Variants in ATP6V0D1 observed in about 807,000 individuals in gnomAD.
The protein encoded by ATP6V0D1 is ATPase H+ transporting V0 subunit d1, also known as V-type proton ATPase subunit d 1.
A neutral mutation model predicts 39.0 loss-of-function variants in ATP6V0D1; 13 were observed. The observed-to-expected ratio is 0.33, with a 90% CI of 0.22 to 0.53. The LOEUF is 0.53. ATP6V0D1 is among the 20% of genes least tolerant of loss of function. ATP6V0D1 has a pLI of 0.94. For missense variants in ATP6V0D1, 272 were observed against 470.9 expected, an observed-to-expected ratio of 0.58 and a Z score of 3.91; for synonymous variants, 191 against 191.2, an observed-to-expected ratio of 1.00 and a Z score of 0.01.
In ATP6V0D1 at chr16:67,439,543, C is replaced by G. The variant is rs961681141; in HGVS notation, c.562-192G>C. The G allele has an allele frequency of 2.3e-5, 14 of 612,646 alleles. No homozygotes were observed. The African/African-American group carries it at 2.4e-4, about 10-fold the overall frequency. The allele number at this position is 612,646 out of a possible 1,614,324, so 38.0% of individuals were successfully genotyped here. The stretch of plus-strand genomic sequence containing the variant: ...CTTCTGTGAATCAGCCAAGTGGCAG[C>G]TGCCCACAGCCTCCCACCCAGGAGT... On this transcript the variant is annotated intron_variant, in intron 4 of 7. Coordinates refer to ENST00000290949, the MANE Select transcript of ATP6V0D1 (RefSeq NM_004691.5).
chr16:67,443,055 A>C, intron 4 of ATP6V0D1, 44 bp downstream of exon 4: 1 of 1,600,880 alleles, frequency 6.2e-7, no homozygotes, highest in Non-Finnish European at 8.5e-7. Context: ...CCACAGCCCC[A>C]CCCACCGACA....
At chr16:67,452,840 C>T (rs896846399) in intron 2 of ATP6V0D1, among the ~76,000 whole-genome samples, 2 of 152,340 alleles carry the variant, frequency 1.3e-5, no homozygotes, top group Admixed American at 6.5e-5. Context: ...GTCCTTTCCT[C>T]CACTCAGCTT....
At chr16:67,476,184 T>C (rs1195891460) in intron 1 of ATP6V0D1, among the ~76,000 whole-genome samples, 5 of 150,186 alleles carry the variant, frequency 3.3e-5, no homozygotes, top group Non-Finnish European at 7.4e-5. Context: ...AACGTGCCAC[T>C]GCACTCCAGC....
At chr16:67,451,061 C>T (rs1249339106) in intron 2 of ATP6V0D1, among the ~76,000 whole-genome samples, 3 of 152,164 alleles carry the variant, frequency 2.0e-5, no homozygotes, top group Admixed American at 2.0e-4. Flanking sequence ...CTGCAGGGTG[C>T]TGAGTAGGTA....
intron 1 of ATP6V0D1, among the ~76,000 whole-genome samples, chr16:67,464,371 C>T (rs1412958554): frequency 1.3e-5 from 2 of 152,246 alleles, no homozygotes; most frequent in Non-Finnish European, 2.9e-5. Context: ...ACTGCCAAGA[C>T]AGGTGTCAGG....
chr16:67,439,340 C>T lies in ATP6V0D1; in HGVS notation c.573G>A (p.Glu191=). The T allele has an allele frequency of 6.2e-7, 1 of 1,614,088 alleles. No homozygotes were observed. The change falls in exon 5 of 8, where the codon GAG becomes GAA. Residue 191 remains glutamate (E), a synonymous_variant. Transcript: ENST00000290949. The part of the protein sequence containing the change: ...IRNTLYKAYL[E]SFYKFCTLLG... Reference sequence around the variant, plus strand: ...GTAGGGTGCAGAACTTGTAGAAGGACTCCAGGTAGGCCTGTAGAGAGTATG... The same window carrying T: ...GTAGGGTGCAGAACTTGTAGAAGGATTCCAGGTAGGCCTGTAGAGAGTATG...
chr16:67,439,651 G>T, intron 4 of ATP6V0D1: 1 of 444,194 alleles, frequency 2.3e-6, no homozygotes, highest in Non-Finnish European at 4.1e-6. Context: ...GGGCTCGCAG[G>T]GGTCCTCTGA....
chr16:67,452,428 T>C, intron 2 of ATP6V0D1: 22 of 1,532,608 alleles, frequency 1.4e-5, no homozygotes, highest in Non-Finnish European at 1.7e-5. Flanking sequence ...GGCTCCTAAC[T>C]GCAGGGGATA....
Position 67,438,143 on chromosome 16 carries a change from G to A in ATP6V0D1, c.*385C>T, listed in dbSNP as rs988964576. 2 of 255,192 alleles carry A rather than the reference G, an allele frequency of 7.8e-6. No individual in the cohort carries two copies. The highest frequency in any genetic ancestry group is 5.1e-5 in the Admixed American group (1 of 19,586). 15.8% of individuals were successfully genotyped at this position (255,192 alleles called of 1,614,324 possible). A position where few individuals can be genotyped will look rare whatever the true frequency, so the allele number is the denominator to read the frequency against. Reference sequence around the variant, plus strand: ...TGTCCTTCCCATGGGCCATGGCTCTGGGAGCGACCCACAGAAGGGAGAGGA... The same window carrying A: ...TGTCCTTCCCATGGGCCATGGCTCTAGGAGCGACCCACAGAAGGGAGAGGA... On this transcript the variant is annotated 3_prime_UTR_variant, in exon 8 of 8. Transcript: ENST00000290949.
chr16:67,477,129 C>T (rs2041421968), intron 1 of ATP6V0D1, among the ~76,000 whole-genome samples: 1 of 140,976 alleles, frequency 7.1e-6, no homozygotes, highest in Admixed American at 7.1e-5. Flanking sequence ...TCTAGATCTA[C>T]TACTAATTTA....
chr16:67,450,219 G>A (rs1567536105), intron 2 of ATP6V0D1, among the ~76,000 whole-genome samples: 1 of 152,172 alleles, frequency 6.6e-6, no homozygotes, highest in Non-Finnish European at 1.5e-5. Context: ...CATATCTGGA[G>A]GCTGTTGTGT....
In ATP6V0D1 at chr16:67,439,350, G is replaced by T. The variant is rs746767714; in HGVS notation, c.563C>A (p.Ala188Asp). 1.9e-5 allele frequency: 30 copies of T among 1,613,890 alleles called. No individual in the cohort carries two copies. The change falls in exon 5 of 8, where the codon GCC becomes GAC. Residue 188 changes from alanine (A) to aspartate (D), a missense_variant and splice_region_variant. Physicochemically the swap from Ala to Asp is moderately radical, Grantham distance 126. Transcript: ENST00000290949. ...IEIIRNTLYK[A>D]YLESFYKFCT... ...GAACTTGTAGAAGGACTCCAGGTAG[G>T]CCTGTAGAGAGTATGGAGCTTGCTC...
intron 1 of ATP6V0D1, among the ~76,000 whole-genome samples, chr16:67,478,885 G>C (rs941550239): frequency 6.6e-6 from 1 of 152,088 alleles, no homozygotes; most frequent in Non-Finnish European, 1.5e-5. Flanking sequence ...CAGGAGTGAG[G>C]AAAGTCAAGA....
intron 1 of ATP6V0D1, among the ~76,000 whole-genome samples, chr16:67,469,515 T>C (rs963371762): frequency 2.6e-5 from 4 of 152,100 alleles, no homozygotes; most frequent in African/African-American, 9.7e-5. Flanking sequence ...ATGAGAAGGG[T>C]CCAGCTCTGG....
In ATP6V0D1 at chr16:67,444,061, A is replaced by T. The variant is rs2041086419; in HGVS notation, c.481+467T>A. On this transcript the variant is annotated intron_variant, in intron 3 of 7. Transcript: ENST00000290949. This position sits in a 1 kb window ranked among gnomAD's most constrained non-coding sequence, Gnocchi z 4.8. ...TGATACGGACCTTGCATCCTGCTGG[A>T]TGCTGTCTGACCTGGCCCAGGGGAC... Among the ~76,000 whole-genome samples the T allele has an allele frequency of 6.6e-6, 1 of 152,190 alleles. No homozygotes were observed. The highest frequency in any genetic ancestry group is 6.5e-5 in the Admixed American group (1 of 15,282).
intron 1 of ATP6V0D1, among the ~76,000 whole-genome samples, chr16:67,472,047 G>A (rs2041377600): frequency 6.6e-6 from 1 of 152,122 alleles, no homozygotes; most frequent in South Asian, 2.1e-4. Context: ...ATGACAGCGA[G>A]ATGCCAAACC....
rs2041247581 is a variant in ATP6V0D1 at position 67,457,322 on chromosome 16, G to A, written c.131-3607C>T. 3 of 303,302 alleles carry A rather than the reference G, an allele frequency of 9.9e-6. No individual in the cohort carries two copies. The Admixed American group carries it at 1.2e-4, about 13-fold the overall frequency. 18.8% of individuals were successfully genotyped at this position (303,302 alleles called of 1,614,324 possible). A position where few individuals can be genotyped will look rare whatever the true frequency, so the allele number is the denominator to read the frequency against. ...TGGGGCATAGAGGGGCTGGGATGTGGAGCAGGCCTGGGGGATTCTATCTGT... is the reference window on the plus strand; with the variant it reads ...TGGGGCATAGAGGGGCTGGGATGTGAAGCAGGCCTGGGGGATTCTATCTGT... On this transcript the variant is annotated intron_variant, in intron 1 of 7. Coordinates refer to ENST00000290949, the MANE Select transcript of ATP6V0D1 (RefSeq NM_004691.5).
chr16:67,440,231 C>A (rs1301009001), intron 4 of ATP6V0D1: 2 of 152,292 alleles, frequency 1.3e-5, no homozygotes, highest in Non-Finnish European at 2.9e-5. Context: ...TTATTGCCTA[C>A]ACGGACGTCA....
intron 1 of ATP6V0D1, among the ~76,000 whole-genome samples, chr16:67,463,791 G>A (rs767957510): frequency 6.7e-6 from 1 of 149,060 alleles, no homozygotes; most frequent in Admixed American, 6.7e-5. Flanking sequence ...TCCCCTCAGC[G>A]GCCCTGCTCA....
Sources: gnomAD v4.1 joint callset for allele counts (sites outside exome capture counted in the v4.1 genomes callset) on GRCh38, gnomAD v4.1.1 for gene constraint, Gnocchi (gnomAD v3.1) non-coding constraint, MANE v1.5 for transcripts, NCBI Gene and HGNC (gene_info 2026-07-23, HGNC 2026-07-21) for gene names.